Variants in BCL2L1 observed in about 807,000 individuals in gnomAD.
BCL2L1 encodes BCL2 like 1.
BCL2L1 carries 1 observed loss-of-function variant against 18.7 expected under a neutral mutation model. The ratio of observed to expected loss-of-function variants is 0.05; its 90% CI spans 0.02 to 0.25. BCL2L1 has a LOEUF of 0.25. Among genes scored for constraint, BCL2L1 ranks in the 10% least tolerant of loss-of-function variants. The pLI is 1.00. For synonymous variants in BCL2L1, 103 were observed against 122.7 expected, an observed-to-expected ratio of 0.84 and a Z score of 1.06; for missense variants, 207 against 304.9, an observed-to-expected ratio of 0.68 and a Z score of 2.39.
intron 2 of BCL2L1, among the ~76,000 whole-genome samples, chr20:31,687,655 C>T (rs186675629): frequency 2.4e-4 from 32 of 135,592 alleles, no homozygotes; most frequent in African/African-American, 7.9e-4. Flanking sequence ...TCCAGCTTGG[C>T]GACAGAAAGA....
In BCL2L1 at chr20:31,721,690, G is replaced by T; in HGVS notation, c.529C>A (p.His177Asn). The change falls in exon 2 of 3, where the codon CAC (histidine) becomes AAC (asparagine). Residue 177 changes from histidine (H) to asparagine (N), a missense_variant. Transcript: ENST00000307677. ...AAWMATYLND[H>N]LEPWIQENGG... is the part of the protein sequence containing the mutation. ...TTCTCCTGGATCCAAGGCTCTAGGTGGTCATTCAGGTAAGTGGCCATCCAA... is the reference window on the plus strand; with the variant it reads ...TTCTCCTGGATCCAAGGCTCTAGGTTGTCATTCAGGTAAGTGGCCATCCAA... The T allele has an allele frequency of 6.2e-7, 1 of 1,613,586 alleles. No individual in the cohort carries two copies. Among genetic ancestry groups the T allele is most frequent in the East Asian group, 2.2e-5 (1 of 44,864 alleles).
intron 2 of BCL2L1, among the ~76,000 whole-genome samples, chr20:31,682,220 A>G (rs1221721321): frequency 6.6e-6 from 1 of 152,218 alleles, no homozygotes; most frequent in Non-Finnish European, 1.5e-5. Context: ...GTCCTTCCAA[A>G]TTAACAGGAG....
chr20:31,691,390 T>C (rs2061071830), intron 2 of BCL2L1, among the ~76,000 whole-genome samples: 1 of 149,312 alleles, frequency 6.7e-6, no homozygotes, highest in South Asian at 2.1e-4. Flanking sequence ...AGTGCATGCC[T>C]GTAATTCCAG....
intron 2 of BCL2L1, among the ~76,000 whole-genome samples, chr20:31,681,177 T>C (rs1362804725): frequency 6.6e-6 from 1 of 152,144 alleles, no homozygotes; most frequent in Non-Finnish European, 1.5e-5. Flanking sequence ...GAAAGCACTG[T>C]AGGGTTTTGA....
intron 2 of BCL2L1, among the ~76,000 whole-genome samples, chr20:31,687,928 C>T (rs547805279): frequency 1.3e-3 from 199 of 152,226 alleles, no homozygotes; most frequent in Non-Finnish European, 2.0e-3. Flanking sequence ...AGGATTGAAA[C>T]CTGGGCTTAA....
At chr20:31,672,050 G>A (rs924755460) in intron 2 of BCL2L1, among the ~76,000 whole-genome samples, 3 of 150,182 alleles carry the variant, frequency 2.0e-5, no homozygotes, top group Admixed American at 6.6e-5. Flanking sequence ...CCTTGCAGGG[G>A]TGGATGATAA....
At chr20:31,723,595 C>T (rs1342686774), upstream of BCL2L1, 7 of 985,302 alleles carry the variant, frequency 7.1e-6, no homozygotes, top group Non-Finnish European at 7.2e-6. Flanking sequence ...CCCCCTAGAC[C>T]TTCCTGAGAG....
intron 2 of BCL2L1, among the ~76,000 whole-genome samples, chr20:31,675,368 G>A (rs2060742300): frequency 6.6e-6 from 1 of 152,220 alleles, no homozygotes; most frequent in African/African-American, 2.4e-5. Flanking sequence ...GTTTCCCTGA[G>A]GGAGAGGCTG....
At chr20:31,708,608 T>G (rs1005997860) in intron 2 of BCL2L1, among the ~76,000 whole-genome samples, 1 of 152,056 alleles carries the variant, frequency 6.6e-6, no homozygotes, top group Non-Finnish European at 1.5e-5. Context: ...GCTCCCAAAC[T>G]GACCCCTCCC....
intron 2 of BCL2L1, among the ~76,000 whole-genome samples, chr20:31,667,528 TACTG>T (rs1188815855): frequency 6.7e-6 from 1 of 149,820 alleles, no homozygotes; most frequent in East Asian, 1.9e-4. Flanking sequence ...ATGAATGAGT[TACTG>T]GCTGGTTCTT....
chr20:31,671,420 C>G (rs1449920114), intron 2 of BCL2L1, among the ~76,000 whole-genome samples: 1 of 152,126 alleles, frequency 6.6e-6, no homozygotes, highest in Non-Finnish European at 1.5e-5. Context: ...GCTTCAGGCC[C>G]TGGTGCCTTT....
intron 2 of BCL2L1, among the ~76,000 whole-genome samples, chr20:31,688,716 C>T (rs1015177015): frequency 2.6e-5 from 4 of 152,122 alleles, no homozygotes; most frequent in African/African-American, 9.7e-5. Context: ...GACAAATATA[C>T]AGGGCTATTC....
chr20:31,721,813 T>G lies in BCL2L1; in HGVS notation c.406A>C (p.Asn136His). ...VVNELFRDGV[N>H]WGRIVAFFSF... ...AAAAAGGCCACAATGCGACCCCAGT[T>G]TACCCCATCCCGGAAGAGTTCATTC... is the stretch of plus-strand genomic sequence containing the variant. Residue 136 changes from asparagine to histidine, a missense_variant, in exon 2 of 3, where the codon AAC (asparagine) becomes CAC (histidine). Coordinates refer to ENST00000307677, the MANE Select transcript of BCL2L1 (RefSeq NM_138578.3). 1 of 1,614,166 alleles carries G rather than the reference T, an allele frequency of 6.2e-7. No individual in the cohort carries two copies. Among genetic ancestry groups the G allele is most frequent in the Admixed American group, 1.7e-5 (1 of 60,026 alleles).
In BCL2L1 at chr20:31,690,254, A is replaced by C. The variant is rs544208533; in HGVS notation, c.565-24168T>G. On this transcript the variant is annotated intron_variant, in intron 2 of 2. Transcript: ENST00000307677. ...CTACAGGTGTGTACCACTGCAAATG[A>C]CTAATTTTTTTTTTTTGAGAGACAC... Among the ~76,000 whole-genome samples, 8 of 151,622 alleles carry C rather than the reference A, an allele frequency of 5.3e-5. No individual in the cohort carries two copies. In the Middle Eastern group the frequency reaches 0.01, roughly 193 times the overall value.
chr20:31,673,162 C>G (rs2122468664), intron 2 of BCL2L1, among the ~76,000 whole-genome samples: 1 of 151,052 alleles, frequency 6.6e-6, no homozygotes, highest in Non-Finnish European at 1.5e-5. Context: ...ACCTCAGCCT[C>G]CCAGGTTCAA....
At chr20:31,666,712 G>A (rs2060594417) in intron 2 of BCL2L1, among the ~76,000 whole-genome samples, 1 of 152,086 alleles carries the variant, frequency 6.6e-6, no homozygotes, top group South Asian at 2.1e-4. Flanking sequence ...GACAAGAAGA[G>A]CAGGGCAGAG....
Position 31,722,174 on chromosome 20 carries a change from G to A in BCL2L1, c.45C>T (p.Tyr15=). Reference sequence around the variant, plus strand: ...AGCTGTATCCTTTCTGGGAAAGCTTGTAGGAGAGAAAGTCAACCACCAGCT... The same window carrying A: ...AGCTGTATCCTTTCTGGGAAAGCTTATAGGAGAGAAAGTCAACCACCAGCT... ...NRELVVDFLS[Y]KLSQKGYSWS... Residue 15 remains tyrosine (Y), a synonymous_variant, in exon 2 of 3, where the codon TAC becomes TAT. Transcript: ENST00000307677. 1 of 1,500,830 alleles carries A rather than the reference G, an allele frequency of 6.7e-7. No individual in the cohort carries two copies. The highest frequency in any genetic ancestry group is 1.3e-5 in the South Asian group (1 of 74,792). The allele number at this position is 1,500,830 out of a possible 1,614,324, so 93.0% of individuals were successfully genotyped here. A position where few individuals can be genotyped will look rare whatever the true frequency, so the allele number is the denominator to read the frequency against.
At chr20:31,723,450 C>T (rs932344719), upstream of BCL2L1, 9 of 985,322 alleles carry the variant, frequency 9.1e-6, no homozygotes, top group Non-Finnish European at 9.6e-6. Context: ...CCCGGGAGGG[C>T]TCCGGGGCCG....
intron 2 of BCL2L1, among the ~76,000 whole-genome samples, chr20:31,695,729 G>C (rs2061155846): frequency 6.6e-6 from 1 of 152,206 alleles, no homozygotes; most frequent in Non-Finnish European, 1.5e-5. Context: ...TTATAGGCGT[G>C]AGCCACTGCA....
Sources: gnomAD v4.1 joint callset for allele counts (sites outside exome capture counted in the v4.1 genomes callset) on GRCh38, gnomAD v4.1.1 for gene constraint, MANE v1.5 for transcripts, NCBI Gene and HGNC (gene_info 2026-07-23, HGNC 2026-07-21) for gene names.